Variants in ZFR observed in about 807,000 individuals in gnomAD.
ZFR encodes zinc finger RNA binding protein.
A neutral mutation model predicts 130.7 loss-of-function variants in ZFR; 19 were observed. That is an observed-to-expected ratio of 0.15 (90% CI 0.10 to 0.21). The LOEUF is 0.21. Among genes scored for constraint, ZFR ranks in the 10% least tolerant of loss-of-function variants. ZFR has a pLI of 1.00. For synonymous variants in ZFR, 466 were observed against 456.9 expected (o/e 1.02, Z -0.25); for missense variants, 872 against 1,321.5 (o/e 0.66, Z 5.27).
chr5:32,436,198 G>C (rs2111865999), intron 2 of ZFR, among the ~76,000 whole-genome samples: 1 of 138,580 alleles, frequency 7.2e-6, no homozygotes, highest in African/African-American at 2.8e-5. Flanking sequence ...GCCCAGGCTG[G>C]AGTGCAGTGG....
chr5:32,377,289 G>A lies in ZFR; in HGVS notation c.2835+1826C>T, dbSNP rs184140752. Among the ~76,000 whole-genome samples the A allele has an allele frequency of 2.5e-4, 37 of 150,930 alleles. No individual in the cohort carries two copies. In the East Asian group the frequency reaches 7.1e-3, roughly 29 times the overall value. On this transcript the variant is annotated intron_variant, in intron 17 of 19. Transcript: ENST00000265069. Reference sequence around the variant, plus strand: ...TGCTCTGTTGCCAGGCTGGAGTGCAGTGGCGTGATCTCGGCTCACTGCAAC... The same window carrying A: ...TGCTCTGTTGCCAGGCTGGAGTGCAATGGCGTGATCTCGGCTCACTGCAAC...
intron 2 of ZFR, among the ~76,000 whole-genome samples, chr5:32,423,336 A>T (rs567094890): frequency 1.3e-5 from 2 of 152,248 alleles, no homozygotes; most frequent in African/African-American, 4.8e-5. Context: ...TCTCAAAAAA[A>T]ATTTTTTTTA....
At chr5:32,356,766 G>A (rs916638288) in intron 19 of ZFR, among the ~76,000 whole-genome samples, 8 of 152,046 alleles carry the variant, frequency 5.3e-5, no homozygotes, top group Non-Finnish European at 1.0e-4. Flanking sequence ...GTTTTAAGAT[G>A]TTTCTGTGCA....
rs190263751 is a variant in ZFR, at chr5:32,368,436, A to G, written c.2836-4161T>C. Among the ~76,000 whole-genome samples, 8 of 152,270 alleles carry G rather than the reference A, an allele frequency of 5.3e-5. No individual in the cohort carries two copies. The East Asian group carries it at 1.2e-3, about 22-fold the overall frequency. ...TTTTAGTAGAGATGGGAGTTTCTCC[A>G]TATCGGTCAGGCTGGTCTTGAACTC... On this transcript the variant is annotated intron_variant, in intron 17 of 19. Coordinates refer to ENST00000265069, the MANE Select transcript of ZFR (RefSeq NM_016107.5).
chr5:32,401,812 G>A (rs1259576292), intron 8 of ZFR, among the ~76,000 whole-genome samples: 1 of 152,146 alleles, frequency 6.6e-6, no homozygotes. Flanking sequence ...AGACTTTTAA[G>A]GCCTAAAAAA....
chr5:32,363,411 A>G (rs1752475675), intron 19 of ZFR, among the ~76,000 whole-genome samples: 1 of 152,216 alleles, frequency 6.6e-6, no homozygotes, highest in Non-Finnish European at 1.5e-5. Flanking sequence ...ATGGTTACAC[A>G]TATTAACTCA....
intron 5 of ZFR, among the ~76,000 whole-genome samples, chr5:32,408,707 T>C (rs1001311232): frequency 6.6e-6 from 1 of 152,214 alleles, no homozygotes. Context: ...TAGAGTTTAT[T>C]AGTTTATAGA....
chr5:32,427,696 T>C (rs554338709), intron 2 of ZFR, among the ~76,000 whole-genome samples: 1 of 152,196 alleles, frequency 6.6e-6, no homozygotes, highest in South Asian at 2.1e-4. Flanking sequence ...CCTTAAAATA[T>C]TAGAACAAAG....
At position 32,389,729 on chromosome 5, in the gene ZFR, C is replaced by T. The variant is rs921593979; in HGVS notation, c.2142+546G>A. 3.3e-5 allele frequency among the ~76,000 whole-genome samples: 5 copies of T among 152,206 alleles called. No individual in the cohort carries two copies. The East Asian group carries it at 5.8e-4, about 18-fold the overall frequency. On this transcript the variant is annotated intron_variant, in intron 12 of 19. Transcript: ENST00000265069. The stretch of plus-strand genomic sequence containing the variant: ...AAAGAACAGTTGGCATAAAAAGCTC[C>T]GTTCCCGTTTAGCATATACCGAAAA...
chr5:32,393,957 TAAATATCTAAACAATAACA>T (rs1214214895), intron 11 of ZFR, among the ~76,000 whole-genome samples: 1 of 152,142 alleles, frequency 6.6e-6, no homozygotes, highest in African/African-American at 2.4e-5. Context: ...GGAAACTACC[TAAATATCTAAACAATAACA>T]ACAAGGATTG....
intron 2 of ZFR, among the ~76,000 whole-genome samples, chr5:32,427,206 T>C (rs1027353815): frequency 4.0e-5 from 6 of 151,586 alleles, no homozygotes; most frequent in South Asian, 4.2e-4. Flanking sequence ...GAGGACAATA[T>C]AGTGAGACCT....
chr5:32,404,475 C>T (rs1181310122), intron 6 of ZFR, among the ~76,000 whole-genome samples: 1 of 152,066 alleles, frequency 6.6e-6, no homozygotes, highest in Non-Finnish European at 1.5e-5. Flanking sequence ...GGGAGATGTG[C>T]CTATACCATT....
At chr5:32,364,339 A>C (rs1752494619) in intron 17 of ZFR, 64 bp from the exon 18 acceptor site, 2 of 1,382,926 alleles carry the variant, frequency 1.4e-6, no homozygotes, top group Non-Finnish European at 2.0e-6. Flanking sequence ...TTTCAAACTA[A>C]AATTTTAAAG....
At chr5:32,376,093 C>G (rs886106913) in intron 17 of ZFR, among the ~76,000 whole-genome samples, 1 of 151,662 alleles carries the variant, frequency 6.6e-6, no homozygotes, top group Non-Finnish European at 1.5e-5. Flanking sequence ...CCACCCGCCT[C>G]GGCCTCCTAA....
intron 11 of ZFR, among the ~76,000 whole-genome samples, chr5:32,392,068 G>A (rs1410787539): frequency 6.6e-6 from 1 of 152,166 alleles, no homozygotes; most frequent in Non-Finnish European, 1.5e-5. Context: ...ACTAGGGACT[G>A]ATAGAAACCA....
At position 32,417,790 on chromosome 5, in the gene ZFR, A is replaced by G. The variant is rs2111818040; in HGVS notation, c.423T>C (p.Asp141=). 1 of 1,611,988 alleles carries G rather than the reference A, an allele frequency of 6.2e-7. No individual in the cohort carries two copies. The highest frequency in any genetic ancestry group is 8.5e-7 in the Non-Finnish European group (1 of 1,178,450). ...PPPATTQNYQ[D]SYSYVRSTAP... Reference sequence around the variant, plus strand: ...CTGTGGACCTTACATATGAGTATGAATCCTAAAGAAAAGGAATGAAAGAAA... The same window carrying G: ...CTGTGGACCTTACATATGAGTATGAGTCCTAAAGAAAAGGAATGAAAGAAA... The change falls in exon 4 of 20, where the codon GAT becomes GAC. Residue 141 remains aspartate, a splice_region_variant and synonymous_variant. Transcript: ENST00000265069.
intron 19 of ZFR, among the ~76,000 whole-genome samples, chr5:32,360,042 C>T (rs760130103): frequency 1.3e-4 from 20 of 151,962 alleles, no homozygotes; most frequent in Non-Finnish European, 2.4e-4. Context: ...ATATCTTTGG[C>T]ACCAATTTCA....
At chr5:32,368,173 T>A (rs1242952563) in intron 17 of ZFR, among the ~76,000 whole-genome samples, 1 of 152,216 alleles carries the variant, frequency 6.6e-6, no homozygotes, top group Non-Finnish European at 1.5e-5. Context: ...ACAGGCACTT[T>A]CACTGGTGGG....
At chr5:32,427,263 C>T (rs1408308340) in intron 2 of ZFR, among the ~76,000 whole-genome samples, 5 of 150,020 alleles carry the variant, frequency 3.3e-5, no homozygotes, top group African/African-American at 7.4e-5. Context: ...CATGATGACA[C>T]GTGCATGTAG....
Sources: allele counts gnomAD v4.1 joint callset (sites outside exome capture counted in the v4.1 genomes callset), GRCh38; gene constraint gnomAD v4.1.1; transcripts MANE v1.5; gene names NCBI Gene and HGNC (gene_info 2026-07-23, HGNC 2026-07-21).